The following LYPD6 variants were observed in gnomAD, a reference collection of about 807,000 sequenced individuals.
LYPD6 encodes the protein ly6/PLAUR domain-containing protein 6.
In LYPD6, 15 loss-of-function variants were observed where a neutral mutation model predicts 22.7. The ratio of observed to expected loss-of-function variants is 0.66; its 90% confidence interval spans 0.44 to 1.02. The LOEUF is 1.02. Among genes scored for constraint, LYPD6 ranks in the 50% least tolerant of loss-of-function variants. LYPD6 has a pLI of 0.00. For synonymous variants in LYPD6, 72 were observed against 77.5 expected, an observed-to-expected ratio of 0.93 and a Z score of 0.37; for missense variants, 189 against 208.4, an observed-to-expected ratio of 0.91 and a Z score of 0.57.
intron 2 of LYPD6, among the ~76,000 whole-genome samples, chr2:149,439,661 A>AGTGCCCTGTGTGTTGGGTCT (rs1442929072): frequency 3.9e-5 from 6 of 152,222 alleles, no homozygotes; most frequent in Non-Finnish European, 8.8e-5. Flanking sequence ...GTGGTGGGTC[A>AGTGCCCTGTGTGTTGGGTCT]GTGCCCTGTG....
intron 1 of LYPD6, among the ~76,000 whole-genome samples, chr2:149,400,052 G>A (rs997948850): frequency 1.5e-4 from 23 of 152,210 alleles, no homozygotes; most frequent in Admixed American, 1.3e-3. Context: ...TGTCGGAGGG[G>A]AGCAGCTGGG....
chr2:149,351,049 G>A (rs1681348911), intron 1 of LYPD6, among the ~76,000 whole-genome samples: 1 of 152,176 alleles, frequency 6.6e-6, no homozygotes, highest in Non-Finnish European at 1.5e-5. Context: ...CATTAGATGA[G>A]GTGAGGTCAT....
intron 1 of LYPD6, among the ~76,000 whole-genome samples, chr2:149,426,911 G>C (rs550880197): frequency 6.6e-6 from 1 of 152,286 alleles, no homozygotes; most frequent in East Asian, 1.9e-4. Flanking sequence ...AATGATGACA[G>C]AGTGGCCCAA....
At chr2:149,363,478 G>T (rs372576058) in intron 1 of LYPD6, among the ~76,000 whole-genome samples, 1 of 152,152 alleles carries the variant, frequency 6.6e-6, no homozygotes, top group Admixed American at 6.5e-5. Flanking sequence ...TGGCCACAGC[G>T]CTGTATCCTG....
chr2:149,401,175 C>A (rs537656182), intron 1 of LYPD6, among the ~76,000 whole-genome samples: 1 of 152,106 alleles, frequency 6.6e-6, no homozygotes, highest in Non-Finnish European at 1.5e-5. Context: ...CTTCCACTTA[C>A]GTCTCATTGA....
intron 1 of LYPD6, among the ~76,000 whole-genome samples, chr2:149,358,179 A>G (rs1033246474): frequency 2.6e-5 from 4 of 152,220 alleles, no homozygotes; most frequent in African/African-American, 9.6e-5. Context: ...TTCTGGACCT[A>G]TAAATGGATT....
the LYPD6 span, among the ~76,000 whole-genome samples, chr2:149,480,770 C>T: frequency 1.2e-4 from 19 of 152,276 alleles, no homozygotes; most frequent in African/African-American, 4.1e-4. Flanking sequence ...TAGTCCTCCT[C>T]GTGAAGTGAT....
the LYPD6 span, among the ~76,000 whole-genome samples, chr2:149,479,995 A>G: frequency 6.8e-6 from 1 of 146,090 alleles, no homozygotes; most frequent in Admixed American, 6.8e-5. Flanking sequence ...GGTACCTGCC[A>G]CTCTGCTTTC....
intron 1 of LYPD6, among the ~76,000 whole-genome samples, chr2:149,420,769 G>A (rs144272456): frequency 7.9e-5 from 12 of 152,268 alleles, no homozygotes; most frequent in South Asian, 2.1e-4. Context: ...GGAATACATC[G>A]TACTGTGATT....
At chr2:149,438,559 C>T (rs377441482) in intron 2 of LYPD6, among the ~76,000 whole-genome samples, 4 of 152,330 alleles carry the variant, frequency 2.6e-5, no homozygotes, top group African/African-American at 9.6e-5. Context: ...TATATTCTGA[C>T]CTTCGGCTTT....
In LYPD6 at chr2:149,468,718, C is replaced by T; in HGVS notation, c.291C>T (p.Val97=). 6.2e-7 allele frequency: 1 copy of T among 1,613,698 alleles called. No homozygotes were observed. The highest frequency in any genetic ancestry group is 8.5e-7 in the Non-Finnish European group (1 of 1,179,710). ...GTATCTCAGTCACCAAACGCTGTGT[C>T]CCACTGGAAGAGTGCTTATCCACTG... is the stretch of plus-strand genomic sequence containing the variant. ...GNSISVTKRC[V]PLEECLSTGC... Residue 97 remains valine, a synonymous_variant, in exon 4 of 5, where the codon GTC becomes GTT. Coordinates refer to ENST00000334166, the MANE Select transcript of LYPD6 (RefSeq NM_194317.5).
At chr2:149,398,007 A>C (rs1289686936) in intron 1 of LYPD6, among the ~76,000 whole-genome samples, 1 of 152,214 alleles carries the variant, frequency 6.6e-6, no homozygotes, top group African/African-American at 2.4e-5. Flanking sequence ...AAGAAAAAAA[A>C]CAACTAACTA....
intron 1 of LYPD6, among the ~76,000 whole-genome samples, chr2:149,436,292 G>A (rs1683429056): frequency 6.6e-6 from 1 of 152,088 alleles, no homozygotes; most frequent in South Asian, 2.1e-4. Flanking sequence ...TTTTCAGCTA[G>A]GTTAAAATAA....
intron 1 of LYPD6, among the ~76,000 whole-genome samples, chr2:149,385,490 G>A (rs1460036217): frequency 6.6e-6 from 1 of 152,180 alleles, no homozygotes; most frequent in East Asian, 1.9e-4. Context: ...TGTCTGTATA[G>A]GGCTACCTTG....
At chr2:149,454,280 G>A (rs1308150110) in intron 3 of LYPD6, among the ~76,000 whole-genome samples, 1 of 152,184 alleles carries the variant, frequency 6.6e-6, no homozygotes, top group Non-Finnish European at 1.5e-5. Flanking sequence ...GAACCCCAGA[G>A]GCTGCTAGGG....
intron 1 of LYPD6, among the ~76,000 whole-genome samples, chr2:149,415,343 A>C (rs961078949): frequency 7.9e-5 from 12 of 152,118 alleles, no homozygotes; most frequent in African/African-American, 2.4e-4. Flanking sequence ...AGTAGTATAG[A>C]TCCCCCTCTG....
intron 1 of LYPD6, among the ~76,000 whole-genome samples, chr2:149,359,634 A>C (rs1274491162): frequency 1.3e-5 from 2 of 152,226 alleles, no homozygotes; most frequent in Non-Finnish European, 2.9e-5. Flanking sequence ...AAGGACCAGA[A>C]GCCAGGTCCT....
chr2:149,450,207 C>T (rs1683776943), intron 3 of LYPD6, among the ~76,000 whole-genome samples: 1 of 152,202 alleles, frequency 6.6e-6, no homozygotes, highest in African/African-American at 2.4e-5. Context: ...GCAGCAGCAT[C>T]ATTCTCCAGA....
Position 149,419,304 on chromosome 2 carries a change from G to A in LYPD6, c.-71-18334G>A, listed in dbSNP as rs564851958. On this transcript the variant is annotated intron_variant, in intron 1 of 4. Coordinates refer to ENST00000334166, the MANE Select transcript of LYPD6 (RefSeq NM_194317.5). ...TGTTATATTTTCTTATTTAATTAACGTTGATGTGTTGGTATTTCACTGGGT... is the reference window on the plus strand; with the variant it reads ...TGTTATATTTTCTTATTTAATTAACATTGATGTGTTGGTATTTCACTGGGT... Among the ~76,000 whole-genome samples the A allele has an allele frequency of 3.9e-5, 6 of 152,168 alleles. No individual in the cohort carries two copies. In the East Asian group the frequency reaches 7.7e-4, roughly 20 times the overall value.
Sources: allele counts gnomAD v4.1 joint callset (sites outside exome capture counted in the v4.1 genomes callset), GRCh38; gene constraint gnomAD v4.1.1; transcripts MANE v1.5; gene names NCBI Gene and HGNC (gene_info 2026-07-23, HGNC 2026-07-21).